CHSY3: variants seen among roughly 807,000 people sequenced by gnomAD.
The protein encoded by CHSY3 is N-acetylgalactosaminyl-proteoglycan 3-beta-glucuronosyltransferase 3.
Under a neutral mutation model 67.2 loss-of-function variants are expected in CHSY3, and 35 were observed. The ratio of observed to expected loss-of-function variants is 0.52; its 90% CI spans 0.40 to 0.69. CHSY3 has a LOEUF of 0.69. Ranked by LOEUF, CHSY3 falls within the 30% of genes least tolerant of loss-of-function variation. The pLI, the probability that CHSY3 is intolerant of heterozygous loss-of-function variation, is 0.00. For missense variants in CHSY3, 1,069 were observed against 1,138.5 expected (o/e 0.94, Z 0.88); for synonymous variants, 474 against 434.7 (o/e 1.09, Z -1.12).
chr5:130,137,057 A>G (rs1768687395), intron 2 of CHSY3, among the ~76,000 whole-genome samples: 2 of 152,214 alleles, frequency 1.3e-5, no homozygotes, highest in African/African-American at 4.8e-5. Flanking sequence ...TTTCCCTTAC[A>G]TATAAATCTC....
intron 2 of CHSY3, among the ~76,000 whole-genome samples, chr5:130,049,769 T>TC (rs2077290618): frequency 4.1e-5 from 1 of 24,666 alleles, no homozygotes; most frequent in East Asian, 1.8e-3. Context: ...TATCTCCCCA[T>TC]CTTTTTTTTT....
At chr5:130,133,791 A>AG (rs1768566011) in intron 2 of CHSY3, among the ~76,000 whole-genome samples, 1 of 122,738 alleles carries the variant, frequency 8.1e-6, no homozygotes, top group Non-Finnish European at 1.7e-5. Flanking sequence ...AAAAAAAAAA[A>AG]AAAAGAAAAA....
At chr5:129,988,708 C>T (rs1478071225) in intron 2 of CHSY3, among the ~76,000 whole-genome samples, 1 of 152,102 alleles carries the variant, frequency 6.6e-6, no homozygotes, top group African/African-American at 2.4e-5. Context: ...GATCATTGGG[C>T]TAATCAAGTC....
chr5:130,164,311 G>A (rs1769658419), intron 2 of CHSY3, among the ~76,000 whole-genome samples: 1 of 152,138 alleles, frequency 6.6e-6, no homozygotes, highest in Admixed American at 6.6e-5. Flanking sequence ...TTAGGGAGCA[G>A]TTGTAAAAAA....
chr5:130,050,366 G>A (rs1765300275), intron 2 of CHSY3, among the ~76,000 whole-genome samples: 1 of 152,068 alleles, frequency 6.6e-6, no homozygotes, highest in Non-Finnish European at 1.5e-5. Flanking sequence ...TATTGATAAA[G>A]GGGTGCATTA....
In CHSY3 at chr5:130,185,038, C is replaced by A; in HGVS notation, c.1896C>A (p.Asp632Glu). The A allele has an allele frequency of 6.3e-7, 1 of 1,592,678 alleles. No individual in the cohort carries two copies. Among genetic ancestry groups the A allele is most frequent in the Non-Finnish European group, 8.6e-7 (1 of 1,160,450 alleles). ...TCGTTCCTCTCATCGGAAGGTATGACATTTTCTTGAGATTCATGGAGAACT... is the reference window on the plus strand; with the variant it reads ...TCGTTCCTCTCATCGGAAGGTATGAAATTTTCTTGAGATTCATGGAGAACT... Reference protein sequence around the residue: ...HILVPLIGRYDIFLRFMENFE... With the variant: ...HILVPLIGRYEIFLRFMENFE... Residue 632 changes from aspartate (D) to glutamate (E), a missense_variant, in exon 3 of 3, where the codon GAC becomes GAA. By Grantham distance (45) the Asp-to-Glu change is conservative. Transcript: ENST00000305031.
intron 2 of CHSY3, among the ~76,000 whole-genome samples, chr5:130,049,909 T>C (rs1188306317): frequency 6.6e-6 from 1 of 152,034 alleles, no homozygotes; most frequent in Admixed American, 6.6e-5. Context: ...GCTCTTTTCA[T>C]GAGACAGCAA....
chr5:130,157,073 G>A (rs147126505), intron 2 of CHSY3, among the ~76,000 whole-genome samples: 402 of 152,312 alleles, frequency 2.6e-3, no homozygotes, highest in Non-Finnish European at 4.9e-3. Context: ...ATGTGCACAT[G>A]TTGAGGTTAA....
At chr5:130,036,301 T>C (rs1764861354) in intron 2 of CHSY3, among the ~76,000 whole-genome samples, 2 of 152,168 alleles carry the variant, frequency 1.3e-5, no homozygotes, top group Admixed American at 1.3e-4. Context: ...GACAAGATTA[T>C]GATTTGCATG....
At chr5:129,982,612 C>A (rs1763053231) in intron 2 of CHSY3, among the ~76,000 whole-genome samples, 1 of 152,022 alleles carries the variant, frequency 6.6e-6, no homozygotes, top group Middle Eastern at 3.4e-3. Context: ...AATACCATAT[C>A]TTTCATTCAG....
Position 130,178,227 on chromosome 5 carries a change from T to TTATATATA in CHSY3, c.1087-5982_1087-5975dup, listed in dbSNP as rs1554088379. On this transcript the variant is annotated intron_variant, in intron 2 of 2. Coordinates refer to ENST00000305031, the MANE Select transcript of CHSY3 (RefSeq NM_175856.5). ...TATATATATATGTATATATTTATAT[T>TTATATATA]TATATATATATATATATATATATAT... Among the ~76,000 whole-genome samples, 275 of 65,766 alleles carry TTATATATA rather than the reference T, an allele frequency of 4.2e-3. 4 individuals carry two copies. The highest frequency in any genetic ancestry group is 6.4e-3 in the South Asian group (11 of 1,714). 43.1% of individuals were successfully genotyped at this position (65,766 alleles called of 152,430 possible). A position where few individuals can be genotyped will look rare whatever the true frequency, so the allele number is the denominator to read the frequency against.
intron 2 of CHSY3, among the ~76,000 whole-genome samples, chr5:130,106,506 T>C (rs2149701441): frequency 6.6e-6 from 1 of 151,738 alleles, no homozygotes; most frequent in South Asian, 2.1e-4. Flanking sequence ...GCTTTTATTC[T>C]ACTGTAGGGA....
chr5:130,099,787 G>T (rs1399674826), intron 2 of CHSY3, among the ~76,000 whole-genome samples: 3 of 152,144 alleles, frequency 2.0e-5, no homozygotes, highest in Non-Finnish European at 4.4e-5. Flanking sequence ...CTAAAATCAT[G>T]AAGTAAGCTA....
intron 2 of CHSY3, among the ~76,000 whole-genome samples, chr5:130,143,406 G>A (rs567196790): frequency 6.6e-6 from 1 of 151,984 alleles, no homozygotes; most frequent in African/African-American, 2.4e-5. Flanking sequence ...ATTAATCTAT[G>A]CTATTTGAAC....
intron 2 of CHSY3, among the ~76,000 whole-genome samples, chr5:129,944,429 A>G (rs979443163): frequency 1.3e-5 from 2 of 151,732 alleles, no homozygotes; most frequent in South Asian, 4.1e-4. Flanking sequence ...TCGCTCTGTC[A>G]GTTCAAGTGA....
rs142466814 is a variant in CHSY3 at position 130,067,751 on chromosome 5, T to C, written c.1087-116478T>C. ...TAGAGTTTGAGAATATGAGTGATTA[T>C]GTATGTTTGTATATCTGCTTTTGTG... On this transcript the variant is annotated intron_variant, in intron 2 of 2. Transcript: ENST00000305031. Among the ~76,000 whole-genome samples, 382 of 152,298 alleles carry C rather than the reference T, an allele frequency of 2.5e-3. 3 individuals carry two copies. Among genetic ancestry groups the C allele is most frequent in the Middle Eastern group, 0.014 (4 of 294 alleles).
intron 2 of CHSY3, among the ~76,000 whole-genome samples, chr5:130,118,093 T>C (rs1437823872): frequency 6.6e-6 from 1 of 152,122 alleles, no homozygotes; most frequent in African/African-American, 2.4e-5. Flanking sequence ...CTCTTCACTT[T>C]CCGCAAGCAC....
At chr5:130,091,349 A>G (rs1485890197) in intron 2 of CHSY3, among the ~76,000 whole-genome samples, 1 of 152,180 alleles carries the variant, frequency 6.6e-6, no homozygotes, top group East Asian at 1.9e-4. Flanking sequence ...CAGTTGTACC[A>G]TTGTGATTCT....
chr5:130,080,854 C>A (rs183989417), intron 2 of CHSY3, among the ~76,000 whole-genome samples: 1 of 151,972 alleles, frequency 6.6e-6, no homozygotes, highest in Non-Finnish European at 1.5e-5. Context: ...GAAAAAGAAA[C>A]TCAAAAAAGA....
Sources: gnomAD v4.1 joint callset for allele counts (sites outside exome capture counted in the v4.1 genomes callset) on GRCh38, gnomAD v4.1.1 for gene constraint, MANE v1.5 for transcripts, NCBI Gene and HGNC (gene_info 2026-07-23, HGNC 2026-07-21) for gene names.